GTF2F2: variants seen among roughly 807,000 people sequenced by gnomAD.
GTF2F2 encodes the protein general transcription factor IIF subunit 2.
A neutral mutation model predicts 42.2 loss-of-function variants in GTF2F2; 23 were observed. The ratio of observed to expected loss-of-function variants is 0.55; its 90% CI spans 0.39 to 0.77. The LOEUF (loss-of-function observed/expected upper bound fraction) is 0.77. Among genes scored for constraint, GTF2F2 ranks in the 30% least tolerant of loss-of-function variants. The pLI is 0.00. For missense variants in GTF2F2, 261 were observed against 287.2 expected (o/e 0.91, Z 0.66); for synonymous variants, 105 against 100.8 (o/e 1.04, Z -0.25).
At chr13:45,202,826 G>A (rs1380858458) in intron 4 of GTF2F2, among the ~76,000 whole-genome samples, 2 of 151,928 alleles carry the variant, frequency 1.3e-5, no homozygotes, top group Non-Finnish European at 2.9e-5. Context: ...GGTGGCGCAC[G>A]CCTGTAATCC....
At chr13:45,211,755 T>G (rs905930687) in intron 5 of GTF2F2, among the ~76,000 whole-genome samples, 3 of 151,490 alleles carry the variant, frequency 2.0e-5, no homozygotes, top group African/African-American at 7.3e-5. Context: ...TCCCGGCCAA[T>G]TTTGTATTTT....
chr13:45,207,441 G>A lies in GTF2F2; in HGVS notation c.322G>A (p.Gly108Arg). The change falls in exon 5 of 8, where the codon GGA (glycine) becomes AGA (arginine). Residue 108 changes from glycine (G) to arginine (R), a missense_variant. Gly to Arg is a moderately radical substitution (Grantham distance 125). Coordinates refer to ENST00000340473, the MANE Select transcript of GTF2F2 (RefSeq NM_004128.3). Reference protein sequence around the residue: ...ESSSDKLSLEGIVVQRAECRP... With the variant: ...ESSSDKLSLERIVVQRAECRP... Reference sequence around the variant, plus strand: ...CATTCAAGATAAGCTGTCATTGGAAGGAATAGTGGTACAAAGAGCTGAATG... The same window carrying A: ...CATTCAAGATAAGCTGTCATTGGAAAGAATAGTGGTACAAAGAGCTGAATG... The A allele has an allele frequency of 1.2e-6, 2 of 1,603,974 alleles. No homozygotes were observed. The highest frequency in any genetic ancestry group is 1.7e-6 in the Non-Finnish European group (2 of 1,170,986).
chr13:45,168,576 A>G (rs1871414429), intron 4 of GTF2F2, among the ~76,000 whole-genome samples: 1 of 151,558 alleles, frequency 6.6e-6, no homozygotes, highest in Non-Finnish European at 1.5e-5. Context: ...CATTTTTCCA[A>G]CCCTCAGTGT....
chr13:45,276,737 G>A (rs768812158), intron 7 of GTF2F2, among the ~76,000 whole-genome samples: 9 of 152,080 alleles, frequency 5.9e-5, no homozygotes, highest in Non-Finnish European at 8.8e-5. Flanking sequence ...CACCGCGCCC[G>A]GCCTAATACA....
At chr13:45,248,670 T>G (rs1338359305) in intron 5 of GTF2F2, among the ~76,000 whole-genome samples, 1 of 152,106 alleles carries the variant, frequency 6.6e-6, no homozygotes, top group Admixed American at 6.6e-5. Context: ...GAGACTGGGT[T>G]TCGCCATGTT....
chr13:45,256,162 T>A (rs1876094818), intron 6 of GTF2F2, among the ~76,000 whole-genome samples: 1 of 152,146 alleles, frequency 6.6e-6, no homozygotes, highest in Admixed American at 6.5e-5. Context: ...CTTCTCCAAT[T>A]GTTGAAATTG....
intron 5 of GTF2F2, among the ~76,000 whole-genome samples, chr13:45,237,022 A>G (rs1292391752): frequency 2.0e-5 from 3 of 152,210 alleles, no homozygotes; most frequent in African/African-American, 7.2e-5. Flanking sequence ...AAACTCAGAC[A>G]TTCTATTCAC....
In GTF2F2 at chr13:45,212,467, CTTTCTT is replaced by C. The variant is rs1873705974; in HGVS notation, c.386+4964_386+4969del. 2.2e-4 allele frequency among the ~76,000 whole-genome samples: 12 copies of C among 55,082 alleles called. 2 individuals carry two copies. Among genetic ancestry groups the C allele is most frequent in the African/African-American group, 1.1e-3 (12 of 11,248 alleles). The allele number at this position is 55,082 out of a possible 152,430, so 36.1% of individuals were successfully genotyped here. A position where few individuals can be genotyped will look rare whatever the true frequency, so the allele number is the denominator to read the frequency against. ...TTCTTGTTTCTTTCTTTCTTTCTTT[CTTTCTT>C]TCTTTCTTTCTTTCTTTCTTTCTTT... On this transcript the variant is annotated intron_variant, in intron 5 of 7. Transcript: ENST00000340473.
At chr13:45,281,857 A>G (rs1407095297) in intron 7 of GTF2F2, among the ~76,000 whole-genome samples, 2 of 152,212 alleles carry the variant, frequency 1.3e-5, no homozygotes, top group Admixed American at 6.5e-5. Flanking sequence ...CACACAAATT[A>G]TTGTTGGATT....
chr13:45,131,643 T>C (rs1054234122), intron 1 of GTF2F2, among the ~76,000 whole-genome samples: 5 of 152,106 alleles, frequency 3.3e-5, no homozygotes, highest in East Asian at 1.9e-4. Context: ...CGGTGGCTCA[T>C]GCCTGTAATC....
At chr13:45,167,843 G>A (rs559629924) in intron 4 of GTF2F2, among the ~76,000 whole-genome samples, 10 of 152,136 alleles carry the variant, frequency 6.6e-5, no homozygotes, top group East Asian at 1.9e-4. Context: ...GAGCCACCAC[G>A]CCCAGCCTCA....
intron 7 of GTF2F2, among the ~76,000 whole-genome samples, chr13:45,272,853 C>T (rs1876856846): frequency 6.6e-6 from 1 of 151,118 alleles, no homozygotes; most frequent in Non-Finnish European, 1.5e-5. Context: ...ATCTTTGGAC[C>T]CAAGCAGTTC....
chr13:45,258,485 CCCA>C (rs1208552688), intron 6 of GTF2F2, among the ~76,000 whole-genome samples: 1 of 152,150 alleles, frequency 6.6e-6, no homozygotes. Context: ...CTCTTGCCAC[CCCA>C]CCCTTACCAC....
intron 4 of GTF2F2, among the ~76,000 whole-genome samples, chr13:45,171,772 C>T (rs1871610042): frequency 6.6e-6 from 1 of 152,164 alleles, no homozygotes; most frequent in South Asian, 2.1e-4. Context: ...TCACCCCAAC[C>T]TCCCACGCCA....
intron 4 of GTF2F2, among the ~76,000 whole-genome samples, chr13:45,202,804 T>C (rs1873257796): frequency 1.3e-5 from 2 of 151,890 alleles, no homozygotes; most frequent in Admixed American, 6.6e-5. Flanking sequence ...AATACAAAAA[T>C]TAGCTGGGCA....
rs533229843 is a variant in GTF2F2 at position 45,234,405 on chromosome 13, T to A, written c.387-18466T>A. ...AAATCATCAACTATTTTCACAAGCATCTTGTTCACAAATCTTTTTCCTGTA... is the reference window on the plus strand; with the variant it reads ...AAATCATCAACTATTTTCACAAGCAACTTGTTCACAAATCTTTTTCCTGTA... On this transcript the variant is annotated intron_variant, in intron 5 of 7. Transcript: ENST00000340473. Among the ~76,000 whole-genome samples the A allele has an allele frequency of 2.0e-5, 3 of 152,312 alleles. No individual in the cohort carries two copies. The South Asian group carries it at 6.2e-4, about 32-fold the overall frequency.
intron 4 of GTF2F2, among the ~76,000 whole-genome samples, chr13:45,182,960 C>A (rs79302424): frequency 6.6e-6 from 1 of 152,162 alleles, no homozygotes; most frequent in African/African-American, 2.4e-5. Flanking sequence ...TTAACTGTGG[C>A]TTCTTCCATT....
chr13:45,214,267 T>C (rs1223027788), intron 5 of GTF2F2, among the ~76,000 whole-genome samples: 1 of 152,214 alleles, frequency 6.6e-6, no homozygotes, highest in East Asian at 1.9e-4. Context: ...ACCATATTCA[T>C]CAAATGTAAG....
intron 2 of GTF2F2, among the ~76,000 whole-genome samples, chr13:45,148,276 AT>A (rs1165273957): frequency 6.6e-6 from 1 of 152,182 alleles, no homozygotes. Flanking sequence ...TGTACTTGTT[AT>A]TCTTTTGGTC....
Sources: allele counts gnomAD v4.1 joint callset (sites outside exome capture counted in the v4.1 genomes callset), GRCh38; gene constraint gnomAD v4.1.1; transcripts MANE v1.5; gene names NCBI Gene and HGNC (gene_info 2026-07-23, HGNC 2026-07-21).